Variants in ITPR2 observed in about 807,000 individuals in gnomAD.
ITPR2 encodes the protein inositol 1,4,5-trisphosphate-gated calcium channel ITPR2.
ITPR2 carries 207 observed loss-of-function variants against 317.1 expected under a neutral mutation model. The ratio of observed to expected loss-of-function variants is 0.65; its 90% confidence interval spans 0.58 to 0.73. ITPR2 has a LOEUF of 0.73. ITPR2 is among the 30% of genes least tolerant of loss of function. The pLI is 0.00. For missense variants in ITPR2, 2,613 were observed against 3,284.0 expected (o/e 0.80, Z 4.99); for synonymous variants, 1,156 against 1,149.1 (o/e 1.01, Z -0.12).
chr12:26,366,882 T>C (rs1939029938), intron 55 of ITPR2, among the ~76,000 whole-genome samples: 1 of 152,148 alleles, frequency 6.6e-6, no homozygotes, highest in African/African-American at 2.4e-5. Context: ...GAAGAGAGCA[T>C]GAGCTGATTA....
intron 37 of ITPR2, among the ~76,000 whole-genome samples, chr12:26,549,476 TA>T (rs1275156462): frequency 6.6e-6 from 1 of 152,176 alleles, no homozygotes; most frequent in African/African-American, 2.4e-5. Context: ...CTTCCAGTTT[TA>T]AAATATCAGA....
rs146788709 is a variant in ITPR2 at position 26,513,777 on chromosome 12, C to T, written c.5074-18517G>A. ...ACACACACACACACACACACACACA[C>T]ATGCAACCCTACATTTTTCCCCCGC... On this transcript the variant is annotated intron_variant, in intron 37 of 56. Transcript: ENST00000381340. Among the ~76,000 whole-genome samples the T allele has an allele frequency of 6.2e-4, 88 of 142,298 alleles. No homozygotes were observed. In the East Asian group the frequency reaches 0.012, roughly 20 times the overall value. 93.4% of individuals were successfully genotyped at this position (142,298 alleles called of 152,430 possible). A position where few individuals can be genotyped will look rare whatever the true frequency, so the allele number is the denominator to read the frequency against.
chr12:26,646,504 G>T (rs893324974), intron 21 of ITPR2, among the ~76,000 whole-genome samples: 5 of 152,180 alleles, frequency 3.3e-5, no homozygotes, highest in African/African-American at 1.2e-4. Context: ...GAGATGGAGA[G>T]TTGACATCCT....
At chr12:26,390,306 T>C (rs1410214627) in intron 54 of ITPR2, among the ~76,000 whole-genome samples, 1 of 152,172 alleles carries the variant, frequency 6.6e-6, no homozygotes, top group Non-Finnish European at 1.5e-5. Context: ...TAAAAACTTG[T>C]ACATGTTCAT....
At chr12:26,524,231 G>A (rs948862887) in intron 37 of ITPR2, among the ~76,000 whole-genome samples, 2 of 152,188 alleles carry the variant, frequency 1.3e-5, no homozygotes, top group African/African-American at 4.8e-5. Context: ...TTTTCAAATT[G>A]GGAAGGTGTG....
At chr12:26,604,210 C>T (rs1408214725) in intron 26 of ITPR2, among the ~76,000 whole-genome samples, 2 of 152,174 alleles carry the variant, frequency 1.3e-5, no homozygotes, top group Non-Finnish European at 2.9e-5. Flanking sequence ...ACTTAATCCA[C>T]GTTGAGCCAA....
intron 45 of ITPR2, among the ~76,000 whole-genome samples, chr12:26,446,459 T>C (rs1941611160): frequency 6.6e-6 from 1 of 152,102 alleles, no homozygotes; most frequent in South Asian, 2.1e-4. Flanking sequence ...ATTTGAATAA[T>C]TTCTCCTAAG....
chr12:26,592,002 GC>G (rs1157712261), intron 32 of ITPR2, among the ~76,000 whole-genome samples: 1 of 152,148 alleles, frequency 6.6e-6, no homozygotes, highest in Non-Finnish European at 1.5e-5. Flanking sequence ...CACCTTAAGT[GC>G]CCATCAACAG....
At chr12:26,652,950 T>C (rs1235941765) in intron 21 of ITPR2, among the ~76,000 whole-genome samples, 1 of 152,242 alleles carries the variant, frequency 6.6e-6, no homozygotes. Context: ...TGTATTGACT[T>C]ATGAGACAGG....
At chr12:26,360,698 T>C (rs978946458) in intron 55 of ITPR2, among the ~76,000 whole-genome samples, 3 of 152,226 alleles carry the variant, frequency 2.0e-5, no homozygotes, top group Non-Finnish European at 4.4e-5. Context: ...TCCAAGGTCT[T>C]GTTGAACTCA....
At chr12:26,467,910 T>C (rs181420291) in intron 45 of ITPR2, among the ~76,000 whole-genome samples, 40 of 150,298 alleles carry the variant, frequency 2.7e-4, no homozygotes, top group African/African-American at 9.8e-4. Context: ...TACCCAGGCA[T>C]TTTTTTCCCA....
intron 34 of ITPR2, among the ~76,000 whole-genome samples, chr12:26,565,114 CA>C (rs1944915968): frequency 6.6e-6 from 1 of 152,052 alleles, no homozygotes; most frequent in Non-Finnish European, 1.5e-5. Context: ...AAAAACATTT[CA>C]AAATACGTAA....
In ITPR2 at chr12:26,385,649, A is replaced by G. The variant is rs908971115; in HGVS notation, c.7857+1785T>C. 3.3e-5 allele frequency among the ~76,000 whole-genome samples: 5 copies of G among 152,288 alleles called. No homozygotes were observed. In the East Asian group the frequency reaches 9.6e-4, roughly 29 times the overall value. ...CTGTCAGATCTCTCAGAGTTTCCCT[A>G]TAAGTGGACCATGTGCCAGTGAAAC... On this transcript the variant is annotated intron_variant, in intron 55 of 56. Coordinates refer to ENST00000381340, the MANE Select transcript of ITPR2 (RefSeq NM_002223.4).
chr12:26,505,502 ATC>A (rs1591837721), intron 37 of ITPR2, among the ~76,000 whole-genome samples: 1 of 152,100 alleles, frequency 6.6e-6, no homozygotes, highest in Non-Finnish European at 1.5e-5. Flanking sequence ...TAACCTTTAG[ATC>A]TCAGCTCAAC....
At chr12:26,476,830 A>G (rs1236960165) in intron 44 of ITPR2, 82 bp downstream of exon 44, 1 of 818,026 alleles carries the variant, frequency 1.2e-6, no homozygotes, top group Non-Finnish European at 2.0e-6. Context: ...AAATCAATCA[A>G]CTTTTTTTTC....
At chr12:26,489,252 A>C (rs926154088) in intron 39 of ITPR2, among the ~76,000 whole-genome samples, 2 of 152,186 alleles carry the variant, frequency 1.3e-5, no homozygotes, top group Non-Finnish European at 2.9e-5. Context: ...AGAAACTCCA[A>C]GTGTTTTGGA....
chr12:26,451,984 T>C (rs1281872241), intron 45 of ITPR2, among the ~76,000 whole-genome samples: 3 of 152,154 alleles, frequency 2.0e-5, no homozygotes, highest in Non-Finnish European at 4.4e-5. Flanking sequence ...CCTAATAGAA[T>C]GCTTCTCAAA....
intron 1 of ITPR2, among the ~76,000 whole-genome samples, chr12:26,799,893 C>T (rs1950524047): frequency 6.6e-6 from 1 of 152,160 alleles, no homozygotes; most frequent in Non-Finnish European, 1.5e-5. Context: ...TTAACTACTA[C>T]CAGTTCTCAA....
intron 34 of ITPR2, among the ~76,000 whole-genome samples, chr12:26,563,139 A>G (rs1944865852): frequency 6.6e-6 from 1 of 152,224 alleles, no homozygotes; most frequent in East Asian, 1.9e-4. Flanking sequence ...TTTTACCTGG[A>G]GGACAAAGTC....
Sources: gnomAD v4.1 joint callset for allele counts (sites outside exome capture counted in the v4.1 genomes callset) on GRCh38, gnomAD v4.1.1 for gene constraint, MANE v1.5 for transcripts, NCBI Gene and HGNC (gene_info 2026-07-23, HGNC 2026-07-21) for gene names.